GET3: variants seen among roughly 807,000 people sequenced by gnomAD.
GET3 encodes guided entry of tail-anchored proteins factor 3, ATPase.
A neutral mutation model predicts 32.4 loss-of-function variants in GET3; 15 were observed. The ratio of observed to expected loss-of-function variants is 0.46; its 90% CI spans 0.31 to 0.71. The LOEUF is 0.71. GET3 is among the 30% of genes least tolerant of loss of function. GET3 has a pLI of 0.05. For missense variants in GET3, 333 were observed against 459.0 expected (o/e 0.73, Z 2.51); for synonymous variants, 198 against 185.6 (o/e 1.07, Z -0.54).
chr19:12,745,334 C>A lies in GET3; in HGVS notation c.310-43C>A. On this transcript the variant is annotated intron_variant, in intron 2 of 6. Coordinates refer to ENST00000357332, the MANE Select transcript of GET3 (RefSeq NM_004317.4). This position sits in a 1 kb window ranked among gnomAD's most constrained non-coding sequence, Gnocchi z 5.0. Reference sequence around the variant, plus strand: ...CCTGTGCCCAGGTGGGAAGGCTCCCCCAGCAGTAGCAGCAACCTCAGTCTC... The same window carrying A: ...CCTGTGCCCAGGTGGGAAGGCTCCCACAGCAGTAGCAGCAACCTCAGTCTC... 1 of 1,595,234 alleles carries A rather than the reference C, an allele frequency of 6.3e-7. No homozygotes were observed. The highest frequency in any genetic ancestry group is 8.5e-7 in the Non-Finnish European group (1 of 1,174,988).
intron 2 of GET3, among the ~76,000 whole-genome samples, chr19:12,739,419 G>A (rs1357229784): frequency 5.3e-5 from 8 of 152,164 alleles, no homozygotes; most frequent in Non-Finnish European, 1.2e-4. Context: ...GACTGCCTCG[G>A]CCTCCCACAG....
chr19:12,738,781 C>T, intron 2 of GET3, 123 bp downstream of exon 2: 15 of 1,274,472 alleles, frequency 1.2e-5, no homozygotes, highest in South Asian at 4.3e-5. Context: ...GTGTTTCACT[C>T]CTTCCTCAAC....
Position 12,745,761 on chromosome 19 carries a change from C to G in GET3, c.609+2C>G, listed in dbSNP as rs538892317. On this transcript the variant is annotated splice_donor_variant, in intron 4 of 6. Transcript: ENST00000357332. LOFTEE classifies it high-confidence loss of function. The surrounding 1 kb of genome is among the most constrained non-coding windows in gnomAD (Gnocchi z 5.0). ...CAGATCAGCCCTTTCATCTCACAGG[C>G]AGGCGGCGGGGGCCCCCACCTGCAC... 2 of 1,602,230 alleles carry G rather than the reference C, an allele frequency of 1.2e-6. No individual in the cohort carries two copies. Among genetic ancestry groups the G allele is most frequent in the Non-Finnish European group, 1.7e-6 (2 of 1,174,912 alleles).
Position 12,748,086 on chromosome 19 carries a change from G to A in GET3, c.1029G>A (p.Lys343=), listed in dbSNP as rs771375616. 9 of 1,598,888 alleles carry A rather than the reference G, an allele frequency of 5.6e-6. No homozygotes were observed. The African/African-American group carries it at 1.2e-4, about 21-fold the overall frequency. The change falls in exon 7 of 7, where the codon AAG becomes AAA. Residue 343 remains lysine, a synonymous_variant. Coordinates refer to ENST00000357332, the MANE Select transcript of GET3 (RefSeq NM_004317.4). ...CGGCCCTCCTCCTGGAGCCCTACAAGCCCCCCAGTGCCCAGTAGCACAGCT... is the reference window on the plus strand; with the variant it reads ...CGGCCCTCCTCCTGGAGCCCTACAAACCCCCCAGTGCCCAGTAGCACAGCT... The part of the protein sequence containing the change: ...TFSALLLEPY[K]PPSAQ
At chr19:12,742,649 C>T (rs1167698179) in intron 2 of GET3, among the ~76,000 whole-genome samples, 5 of 151,996 alleles carry the variant, frequency 3.3e-5, no homozygotes, top group Non-Finnish European at 1.5e-5. Context: ...CTCCTGACCT[C>T]GTGATCCACC....
intron 2 of GET3, among the ~76,000 whole-genome samples, chr19:12,741,413 G>A (rs904575030): frequency 4.7e-5 from 7 of 149,780 alleles, no homozygotes; most frequent in Admixed American, 2.0e-4. Flanking sequence ...CCTAGATCGC[G>A]CCACTGCACT....
rs1967811443 is a variant in GET3 at position 12,748,185 on chromosome 19, G to T, written c.*81G>T. 7.3e-7 allele frequency: 1 copy of T among 1,371,210 alleles called. No homozygotes were observed. The highest frequency in any genetic ancestry group is 1.5e-5 in the African/African-American group (1 of 68,748). The allele number at this position is 1,371,210 out of a possible 1,614,324, so 84.9% of individuals were successfully genotyped here. ...CCCCTCGGGGCAGAGTTTGCACAAA[G>T]TCCCCCCCATAATACAGGGGGAGCC... On this transcript the variant is annotated 3_prime_UTR_variant, in exon 7 of 7. Transcript: ENST00000357332.
chr19:12,746,178 G>T (rs1967767955), intron 4 of GET3, among the ~76,000 whole-genome samples: 1 of 152,144 alleles, frequency 6.6e-6, no homozygotes. Flanking sequence ...TGTCACCCAG[G>T]CTGGAGTGCA....
intron 1 of GET3, 58 bp downstream of exon 1, chr19:12,737,724 G>C: frequency 6.5e-7 from 1 of 1,531,284 alleles, no homozygotes; most frequent in Non-Finnish European, 8.7e-7. Context: ...GGGCGAAGGG[G>C]AGGCCAAGGA....
At position 12,747,322 on chromosome 19, in the gene GET3, T is replaced by G. The variant is rs765897725; in HGVS notation, c.717+18T>G. On this transcript the variant is annotated intron_variant, in intron 5 of 6. Transcript: ENST00000357332. This position sits in a 1 kb window ranked among gnomAD's most constrained non-coding sequence, Gnocchi z 4.0. ...AGGACCCTGTGAGTGGTGGTCTGGC[T>G]GGCGGTGAGAGGCCCGGGGGCTGAG... The G allele has an allele frequency of 6.2e-7, 1 of 1,609,544 alleles. No individual in the cohort carries two copies. Among genetic ancestry groups the G allele is most frequent in the East Asian group, 2.2e-5 (1 of 44,754 alleles).
chr19:12,746,358 C>T (rs1235823960), intron 4 of GET3, among the ~76,000 whole-genome samples: 1 of 152,140 alleles, frequency 6.6e-6, no homozygotes, highest in African/African-American at 2.4e-5. Context: ...GTCTTGAACT[C>T]CTGGCCTCAA....
At chr19:12,738,437 A>T in intron 1 of GET3, 74 bp from the exon 2 acceptor site, 1 of 1,579,990 alleles carries the variant, frequency 6.3e-7, no homozygotes, top group Non-Finnish European at 8.6e-7. Context: ...CAGGGAACCT[A>T]CCACTCCCCT....
intron 1 of GET3, among the ~76,000 whole-genome samples, chr19:12,738,169 G>A (rs1967607637): frequency 6.6e-6 from 1 of 152,118 alleles, no homozygotes; most frequent in South Asian, 2.1e-4. Flanking sequence ...GGGAATGCAG[G>A]AGACCCCTTA....
chr19:12,745,849 A>G lies in GET3; in HGVS notation c.609+90A>G. Reference sequence around the variant, plus strand: ...CCAGACCCTCAAATGCGCACTAACAATTCCCTTTCCTTCCCACCCCTTCTC... The same window carrying G: ...CCAGACCCTCAAATGCGCACTAACAGTTCCCTTTCCTTCCCACCCCTTCTC... On this transcript the variant is annotated intron_variant, in intron 4 of 6. Coordinates refer to ENST00000357332, the MANE Select transcript of GET3 (RefSeq NM_004317.4). This position sits in a 1 kb window ranked among gnomAD's most constrained non-coding sequence, Gnocchi z 5.0. The G allele has an allele frequency of 1.4e-6, 2 of 1,454,896 alleles. No individual in the cohort carries two copies. Among genetic ancestry groups the G allele is most frequent in the East Asian group, 2.3e-5 (1 of 43,180 alleles). 90.1% of individuals were successfully genotyped at this position (1,454,896 alleles called of 1,614,324 possible). A position where few individuals can be genotyped will look rare whatever the true frequency, so the allele number is the denominator to read the frequency against.
intron 2 of GET3, among the ~76,000 whole-genome samples, chr19:12,740,657 A>G (rs989893106): frequency 6.6e-6 from 1 of 152,206 alleles, no homozygotes; most frequent in African/African-American, 2.4e-5. Flanking sequence ...AGCCTGAACA[A>G]CGGAGCGAGA....
At chr19:12,738,199 A>T (rs1039414959) in intron 1 of GET3, among the ~76,000 whole-genome samples, 5 of 152,124 alleles carry the variant, frequency 3.3e-5, no homozygotes, top group African/African-American at 4.8e-5. Context: ...GGAAGGGGGC[A>T]CGGAGTCAAG....
At chr19:12,738,435 C>A in intron 1 of GET3, 76 bp from the exon 2 acceptor site, 1 of 1,577,340 alleles carries the variant, frequency 6.3e-7, no homozygotes, top group South Asian at 1.2e-5. Flanking sequence ...TCCAGGGAAC[C>A]TACCACTCCC....
At chr19:12,738,869 G>A (rs141153144) in intron 2 of GET3, among the ~76,000 whole-genome samples, 13 of 152,326 alleles carry the variant, frequency 8.5e-5, no homozygotes, top group Non-Finnish European at 1.0e-4. Flanking sequence ...AGCCAGGGTA[G>A]GGGAAGGAGA....
In GET3 at chr19:12,747,539, C is replaced by G. The variant is rs751752286; in HGVS notation, c.862C>G (p.Pro288Ala). 3.1e-6 allele frequency: 5 copies of G among 1,614,006 alleles called. No individual in the cohort carries two copies. The highest frequency in any genetic ancestry group is 4.2e-6 in the Non-Finnish European group (5 of 1,179,998). Reference sequence around the variant, plus strand: ...GCTCGTCTTCCCCGACCCCGAGAAGCCCTGCAAGATGTGTGAGGCCCGTCA... The same window carrying G: ...GCTCGTCTTCCCCGACCCCGAGAAGGCCTGCAAGATGTGTGAGGCCCGTCA... ...NQLVFPDPEK[P>A]CKMCEARHKI... The change falls in exon 6 of 7, where the codon CCC (proline) becomes GCC (alanine). Residue 288 changes from proline (P) to alanine (A), a missense_variant. Transcript: ENST00000357332. This position sits in a 1 kb window ranked among gnomAD's most constrained non-coding sequence, Gnocchi z 4.0.
Sources: gnomAD v4.1 joint callset for allele counts (sites outside exome capture counted in the v4.1 genomes callset) on GRCh38, gnomAD v4.1.1 for gene constraint, Gnocchi (gnomAD v3.1) non-coding constraint, MANE v1.5 for transcripts, NCBI Gene and HGNC (gene_info 2026-07-23, HGNC 2026-07-21) for gene names.